GLI2: variants seen among roughly 807,000 people sequenced by gnomAD.
The protein encoded by GLI2 is transcription activator GLI2.
A neutral mutation model predicts 78.9 loss-of-function variants in GLI2; 22 were observed. The ratio of observed to expected loss-of-function variants is 0.28; its 90% CI spans 0.20 to 0.40. The LOEUF (loss-of-function observed/expected upper bound fraction) is 0.40, where lower values mean the gene tolerates loss of function less well. Among genes scored for constraint, GLI2 ranks in the 10% least tolerant of loss-of-function variants. GLI2 has a pLI of 1.00. For missense variants in GLI2, 2,097 were observed against 2,213.2 expected (o/e 0.95, Z 1.05); for synonymous variants, 974 against 963.7 (o/e 1.01, Z -0.20).
chr2:120,909,813 T>C (rs1296106135), intron 2 of GLI2, among the ~76,000 whole-genome samples: 4 of 152,142 alleles, frequency 2.6e-5, no homozygotes, highest in South Asian at 2.1e-4. Flanking sequence ...TGCAGTGAGC[T>C]GAGATCACGC....
intron 2 of GLI2, among the ~76,000 whole-genome samples, chr2:120,837,878 C>T (rs1334633119): frequency 6.6e-6 from 1 of 152,184 alleles, no homozygotes; most frequent in Non-Finnish European, 1.5e-5. Flanking sequence ...TGCCATCTCA[C>T]ATTGTCTTAG....
At chr2:120,915,491 G>C (rs183714622) in intron 2 of GLI2, among the ~76,000 whole-genome samples, 3 of 152,320 alleles carry the variant, frequency 2.0e-5, no homozygotes, top group African/African-American at 7.2e-5. Context: ...GGCATCAGGA[G>C]GGCCTCTGGA....
intron 1 of GLI2, among the ~76,000 whole-genome samples, chr2:120,747,676 T>C (rs1466236994): frequency 1.3e-5 from 2 of 152,208 alleles, no homozygotes; most frequent in African/African-American, 4.8e-5. Flanking sequence ...CAAAGAATTT[T>C]CAGCCCAAAT....
chr2:120,805,152 C>T (rs867486), intron 2 of GLI2, among the ~76,000 whole-genome samples: 1 of 152,240 alleles, frequency 6.6e-6, no homozygotes, highest in Non-Finnish European at 1.5e-5. Context: ...CCACTCAGAA[C>T]GGCTGCCGTC....
In GLI2 at chr2:120,988,862, G is replaced by A. The variant is rs978189731; in HGVS notation, c.2897G>A (p.Arg966Gln). 1 of 1,494,082 alleles carries A rather than the reference G, an allele frequency of 6.7e-7. No homozygotes were observed. The highest frequency in any genetic ancestry group is 8.9e-7 in the Non-Finnish European group (1 of 1,124,266). 92.6% of individuals were successfully genotyped at this position (1,494,082 alleles called of 1,614,324 possible). A position where few individuals can be genotyped will look rare whatever the true frequency, so the allele number is the denominator to read the frequency against. Residue 966 changes from arginine to glutamine, a missense_variant, in exon 14 of 14, where the codon CGG (arginine) becomes CAG (glutamine). Coordinates refer to ENST00000361492, the MANE Select transcript of GLI2 (RefSeq NM_001374353.1). ...CGGCCCGATGCCCTGTCCCTGCCGC[G>A]GGTGCAGCGCTTCCACAGCACCCAC... ...VRRPDALSLP[R>Q]VQRFHSTHNV...
chr2:120,878,584 T>A (rs1021353984), intron 2 of GLI2, among the ~76,000 whole-genome samples: 6 of 152,228 alleles, frequency 3.9e-5, no homozygotes, highest in East Asian at 1.9e-4. Context: ...GTTATTTTTT[T>A]AAACTCATAT....
intron 5 of GLI2, among the ~76,000 whole-genome samples, chr2:120,966,994 G>A (rs1463957683): frequency 6.6e-6 from 1 of 152,248 alleles, no homozygotes; most frequent in Non-Finnish European, 1.5e-5. Flanking sequence ...CTGCAGTCAG[G>A]GCAGCCTGCC....
Position 120,927,342 on chromosome 2 carries a change from T to C in GLI2, c.149-19T>C, listed in dbSNP as rs1679731668. 6.4e-7 allele frequency: 1 copy of C among 1,573,998 alleles called. No individual in the cohort carries two copies. The highest frequency in any genetic ancestry group is 1.7e-5 in the Admixed American group (1 of 59,956). ...GGGGGAAAGTTTTTGAAGTCTTGTT[T>C]CTCTCTCCCCCTCTGCAGTGCCGCA... is the stretch of plus-strand genomic sequence containing the variant. On this transcript the variant is annotated intron_variant, in intron 2 of 13. Coordinates refer to ENST00000361492, the MANE Select transcript of GLI2 (RefSeq NM_001374353.1).
At chr2:120,840,600 T>C (rs1460894990) in intron 2 of GLI2, among the ~76,000 whole-genome samples, 2 of 152,226 alleles carry the variant, frequency 1.3e-5, no homozygotes, top group Non-Finnish European at 2.9e-5. Flanking sequence ...CTGGACCACA[T>C]GGGGACTATA....
chr2:120,802,696 T>C (rs1684759249), intron 2 of GLI2, among the ~76,000 whole-genome samples: 1 of 152,186 alleles, frequency 6.6e-6, no homozygotes, highest in African/African-American at 2.4e-5. Context: ...GGTGGAGCCA[T>C]GAAACCCAGA....
chr2:120,801,202 G>C lies in GLI2; in HGVS notation c.148+3734G>C, dbSNP rs545414548. Among the ~76,000 whole-genome samples, 3 of 152,306 alleles carry C rather than the reference G, an allele frequency of 2.0e-5. No homozygotes were observed. The South Asian group carries it at 6.2e-4, about 32-fold the overall frequency. On this transcript the variant is annotated intron_variant, in intron 2 of 13. Transcript: ENST00000361492. ...CGCCCAGGCTAGAGTGCAGTGGCAT[G>C]ATCTCAGCTCACTGCAACCTCTGCC...
Position 120,884,066 on chromosome 2 carries a change from C to T in GLI2, c.149-43295C>T, listed in dbSNP as rs116105169. The stretch of plus-strand genomic sequence containing the variant: ...AGGGCAGCCCCAGCCCTGGGGGAGA[C>T]TTTAGGGGCCAGGGGCAGCTCAGTG... On this transcript the variant is annotated intron_variant, in intron 2 of 13. Coordinates refer to ENST00000361492, the MANE Select transcript of GLI2 (RefSeq NM_001374353.1). Among the ~76,000 whole-genome samples, 776 of 152,306 alleles carry T rather than the reference C, an allele frequency of 5.1e-3. 8 individuals carry two copies. The highest frequency in any genetic ancestry group is 0.018 in the African/African-American group (735 of 41,558).
intron 2 of GLI2, chr2:120,866,856 T>A (rs771016855): frequency 6.6e-6 from 1 of 152,250 alleles, no homozygotes; most frequent in Non-Finnish European, 1.5e-5. Flanking sequence ...TGAAACTCGA[T>A]GAGTGACATT....
chr2:120,831,825 A>G (rs1315196767), intron 2 of GLI2, among the ~76,000 whole-genome samples: 4 of 152,214 alleles, frequency 2.6e-5, no homozygotes, highest in African/African-American at 9.6e-5. Context: ...GTGAGGATTC[A>G]GTGAGGTCAT....
intron 2 of GLI2, among the ~76,000 whole-genome samples, chr2:120,823,632 G>C (rs1685892780): frequency 6.6e-6 from 1 of 152,222 alleles, no homozygotes; most frequent in Non-Finnish European, 1.5e-5. Context: ...GGAATGCCTA[G>C]CATTGGAAGG....
At chr2:120,933,241 C>T (rs900376347) in intron 3 of GLI2, among the ~76,000 whole-genome samples, 2 of 152,174 alleles carry the variant, frequency 1.3e-5, no homozygotes, top group Non-Finnish European at 2.9e-5. Flanking sequence ...GCCCACTCCT[C>T]TGCAGAGCAC....
chr2:120,769,898 G>A (rs1264800938), intron 1 of GLI2, among the ~76,000 whole-genome samples: 1 of 152,126 alleles, frequency 6.6e-6, no homozygotes, highest in African/African-American at 2.4e-5. Flanking sequence ...GTGTGCATGT[G>A]CATGTGTGGG....
At chr2:120,855,349 G>A (rs939180277) in intron 2 of GLI2, among the ~76,000 whole-genome samples, 4 of 152,210 alleles carry the variant, frequency 2.6e-5, no homozygotes, top group Non-Finnish European at 4.4e-5. Flanking sequence ...AGCCACTCAA[G>A]AAACTTGGTT....
chr2:120,744,071 A>G lies in GLI2; in HGVS notation c.-31+7786A>G, dbSNP rs1416874246. On this transcript the variant is annotated intron_variant, in intron 1 of 13. Transcript: ENST00000361492. Reference sequence around the variant, plus strand: ...CATTGGTAGAGAGCGGAAGCCTGTGATGGTCTTTTCAGACTTTCCTCGAGG... The same window carrying G: ...CATTGGTAGAGAGCGGAAGCCTGTGGTGGTCTTTTCAGACTTTCCTCGAGG... Among the ~76,000 whole-genome samples the G allele has an allele frequency of 3.9e-5, 6 of 152,328 alleles. 1 individual carries two copies. In the South Asian group the frequency reaches 1.2e-3, roughly 32 times the overall value.
Sources: gnomAD v4.1 joint callset for allele counts (sites outside exome capture counted in the v4.1 genomes callset) on GRCh38, gnomAD v4.1.1 for gene constraint, MANE v1.5 for transcripts, NCBI Gene and HGNC (gene_info 2026-07-23, HGNC 2026-07-21) for gene names.